PLXDC2: variants seen among roughly 807,000 people sequenced by gnomAD.
PLXDC2 encodes plexin domain containing 2.
PLXDC2 carries 40 observed loss-of-function variants against 68.9 expected under a neutral mutation model. That is an observed-to-expected ratio of 0.58 (90% CI 0.45 to 0.76). The LOEUF (loss-of-function observed/expected upper bound fraction) is 0.76, where lower values mean the gene tolerates loss of function less well. Among genes scored for constraint, PLXDC2 ranks in the 30% least tolerant of loss-of-function variants. PLXDC2 has a pLI of 0.00. For missense variants in PLXDC2, 644 were observed against 661.9 expected (o/e 0.97, Z 0.30); for synonymous variants, 243 against 234.2 (o/e 1.04, Z -0.34).
chr10:20,029,971 T>C (rs1835471846), intron 2 of PLXDC2, among the ~76,000 whole-genome samples: 1 of 152,190 alleles, frequency 6.6e-6, no homozygotes. Context: ...TCATTTGAAT[T>C]TGGCTTTTAA....
chr10:20,151,264 T>C (rs1165417541), intron 6 of PLXDC2, among the ~76,000 whole-genome samples: 2 of 152,234 alleles, frequency 1.3e-5, no homozygotes, highest in Non-Finnish European at 1.5e-5. Flanking sequence ...CATGATAGCA[T>C]AAAATAGTAG....
chr10:19,944,246 T>G (rs1270694500), intron 1 of PLXDC2, among the ~76,000 whole-genome samples: 1 of 152,124 alleles, frequency 6.6e-6, no homozygotes, highest in Non-Finnish European at 1.5e-5. Context: ...GCTTCTGTAT[T>G]TAAAAAATGC....
chr10:20,265,691 A>T (rs1459533316), intron 13 of PLXDC2, among the ~76,000 whole-genome samples: 1 of 152,228 alleles, frequency 6.6e-6, no homozygotes, highest in Non-Finnish European at 1.5e-5. Context: ...AAAGATATAG[A>T]TATTTGTAGA....
At position 20,238,662 on chromosome 10, in the gene PLXDC2, A is replaced by AAAATATATATATATGTATATATAT. The variant is rs1175526348; in HGVS notation, c.1313-6682_1313-6681insAATATATATATATGTATATATATA. Reference sequence around the variant, plus strand: ...CAGAGAAAGACTCCATCTCAAAAAAAATATATATATATATGTATATATATA... The same window carrying AAAATATATATATATGTATATATAT: ...CAGAGAAAGACTCCATCTCAAAAAAAAAATATATATATATGTATATATATATATATATATATATGTATATATATA... On this transcript the variant is annotated intron_variant, in intron 12 of 13. Transcript: ENST00000377252. Among the ~76,000 whole-genome samples the AAAATATATATATATGTATATATAT allele has an allele frequency of 1.1e-3, 34 of 31,706 alleles. 1 individual carries two copies. Among genetic ancestry groups the AAAATATATATATATGTATATATAT allele is most frequent in the East Asian group, 7.1e-3 (14 of 1,984 alleles). The allele number at this position is 31,706 out of a possible 152,430, so 20.8% of individuals were successfully genotyped here. A position where few individuals can be genotyped will look rare whatever the true frequency, so the allele number is the denominator to read the frequency against.
At chr10:19,973,296 G>GTATATA (rs751843912) in intron 1 of PLXDC2, among the ~76,000 whole-genome samples, 2 of 76,760 alleles carry the variant, frequency 2.6e-5, no homozygotes, top group African/African-American at 1.0e-4. Context: ...ACATATATAT[G>GTATATA]TATATATATA....
chr10:20,080,431 T>C (rs1353326622), intron 4 of PLXDC2, among the ~76,000 whole-genome samples: 1 of 152,060 alleles, frequency 6.6e-6, no homozygotes, highest in African/African-American at 2.4e-5. Context: ...AAGCCAACAG[T>C]GTAGTCTTCA....
chr10:20,200,038 G>A (rs770642999), intron 9 of PLXDC2, among the ~76,000 whole-genome samples: 2 of 151,824 alleles, frequency 1.3e-5, no homozygotes, highest in Non-Finnish European at 2.9e-5. Flanking sequence ...TTAATGCTAA[G>A]GTAGGAGAGG....
chr10:19,932,241 C>T (rs1258254174), intron 1 of PLXDC2, among the ~76,000 whole-genome samples: 2 of 152,132 alleles, frequency 1.3e-5, no homozygotes, highest in African/African-American at 4.8e-5. Flanking sequence ...ATCAATTCTT[C>T]CAAAGGGTCT....
chr10:20,169,916 A>G (rs1834424979), intron 7 of PLXDC2, among the ~76,000 whole-genome samples: 1 of 152,134 alleles, frequency 6.6e-6, no homozygotes, highest in African/African-American at 2.4e-5. Flanking sequence ...CTCACAGTAC[A>G]TTATTTGGTA....
chr10:19,919,346 C>G (rs1428047696), intron 1 of PLXDC2, among the ~76,000 whole-genome samples: 131 of 152,304 alleles, frequency 8.6e-4, no homozygotes, highest in Middle Eastern at 3.4e-3. Flanking sequence ...TAAAAAAGGA[C>G]ATTATCTTGC....
intron 2 of PLXDC2, among the ~76,000 whole-genome samples, chr10:20,021,984 A>G (rs1353761992): frequency 6.6e-6 from 1 of 152,220 alleles, no homozygotes; most frequent in Non-Finnish European, 1.5e-5. Flanking sequence ...GGCGTGAGCC[A>G]CCACGCCCAG....
At chr10:20,064,098 C>T (rs1836152156) in intron 3 of PLXDC2, among the ~76,000 whole-genome samples, 3 of 151,152 alleles carry the variant, frequency 2.0e-5, no homozygotes, top group South Asian at 2.1e-4. Context: ...TGGGTCTTCC[C>T]ACCACCATTT....
At chr10:19,935,885 A>G (rs1024790611) in intron 1 of PLXDC2, among the ~76,000 whole-genome samples, 1 of 152,240 alleles carries the variant, frequency 6.6e-6, no homozygotes, top group Non-Finnish European at 1.5e-5. Context: ...AGTGTGGGCC[A>G]GAATCTCATC....
intron 1 of PLXDC2, among the ~76,000 whole-genome samples, chr10:19,890,034 A>G (rs1224913272): frequency 6.6e-6 from 1 of 152,088 alleles, no homozygotes; most frequent in Non-Finnish European, 1.5e-5. Context: ...TTTCTCCTTC[A>G]TTCATTTGTT....
intron 1 of PLXDC2, among the ~76,000 whole-genome samples, chr10:19,819,029 TATAC>T (rs1298386713): frequency 1.2e-5 from 1 of 83,424 alleles, no homozygotes; most frequent in African/African-American, 6.5e-5. Context: ...AGAATATATG[TATAC>T]ACACACACAC....
intron 13 of PLXDC2, among the ~76,000 whole-genome samples, chr10:20,258,024 CAG>C (rs1398033066): frequency 3.7e-4 from 32 of 87,342 alleles, no homozygotes; most frequent in African/African-American, 1.1e-3. Flanking sequence ...TTTTTTGAGA[CAG>C]AGTTTTGCAC....
intron 4 of PLXDC2, among the ~76,000 whole-genome samples, chr10:20,139,313 T>C (rs1331016046): frequency 6.6e-6 from 1 of 152,232 alleles, no homozygotes; most frequent in East Asian, 1.9e-4. Flanking sequence ...ATATGTTTGC[T>C]TCTCTTACTT....
chr10:20,041,312 T>A (rs1199819535), intron 2 of PLXDC2, among the ~76,000 whole-genome samples: 2 of 152,134 alleles, frequency 1.3e-5, no homozygotes, highest in African/African-American at 4.8e-5. Context: ...AACAAAAAAA[T>A]TCTTGAGTCA....
At chr10:19,868,837 G>T (rs577288494) in intron 1 of PLXDC2, among the ~76,000 whole-genome samples, 1 of 152,276 alleles carries the variant, frequency 6.6e-6, no homozygotes, top group African/African-American at 2.4e-5. Flanking sequence ...AAATTACCAA[G>T]ATGAAGCATA....
Sources: allele counts gnomAD v4.1 joint callset (sites outside exome capture counted in the v4.1 genomes callset), GRCh38; gene constraint gnomAD v4.1.1; transcripts MANE v1.5; gene names NCBI Gene and HGNC (gene_info 2026-07-23, HGNC 2026-07-21).